The following BMPR1B variants were observed in gnomAD, a reference collection of about 807,000 sequenced individuals.
BMPR1B encodes the protein bone morphogenetic protein receptor type-1B.
A neutral mutation model predicts 59.1 loss-of-function variants in BMPR1B; 12 were observed. The observed-to-expected ratio is 0.20, with a 90% CI of 0.13 to 0.33. BMPR1B has a LOEUF of 0.33. BMPR1B is among the 10% of genes least tolerant of loss of function. The pLI is 1.00. For synonymous variants in BMPR1B, 237 were observed against 207.3 expected, an observed-to-expected ratio of 1.14 and a Z score of -1.23; for missense variants, 550 against 610.9, an observed-to-expected ratio of 0.90 and a Z score of 1.05.
In BMPR1B at chr4:95,125,092, T is replaced by A. The variant is rs1732811961; in HGVS notation, c.556T>A (p.Ser186Thr). Residue 186 changes from serine (S) to threonine (T), a missense_variant, in exon 8 of 13, where the codon TCA becomes ACA. Coordinates refer to ENST00000515059, the MANE Select transcript of BMPR1B (RefSeq NM_001203.3). ...AGACTTAATTGAGCAGTCTCAGAGC[T>A]CAGGAAGTGGATCAGGCCTCCCTCT... ...LRDLIEQSQS[S>T]GSGSGLPLLV... 2 of 1,613,828 alleles carry A rather than the reference T, an allele frequency of 1.2e-6. No homozygotes were observed. Among genetic ancestry groups the A allele is most frequent in the Non-Finnish European group, 1.7e-6 (2 of 1,179,834 alleles).
At chr4:94,999,350 TC>T (rs1266172336) in intron 3 of BMPR1B, among the ~76,000 whole-genome samples, 1 of 152,082 alleles carries the variant, frequency 6.6e-6, no homozygotes, top group Non-Finnish European at 1.5e-5. Context: ...GGAAAGCCTC[TC>T]AAGTAGATGG....
chr4:95,124,156 G>C (rs1216352804), intron 7 of BMPR1B, among the ~76,000 whole-genome samples: 1 of 151,836 alleles, frequency 6.6e-6, no homozygotes, highest in Non-Finnish European at 1.5e-5. Context: ...GGGAAACTAG[G>C]GTAGTTAGAG....
At chr4:95,024,945 A>G (rs894365471) in intron 3 of BMPR1B, among the ~76,000 whole-genome samples, 1 of 151,984 alleles carries the variant, frequency 6.6e-6, no homozygotes, top group East Asian at 1.9e-4. Flanking sequence ...TACTAAAAAT[A>G]CAAAAGCTAG....
At chr4:94,776,085 G>A (rs1257400297) in intron 1 of BMPR1B, among the ~76,000 whole-genome samples, 4 of 119,138 alleles carry the variant, frequency 3.4e-5, no homozygotes, top group Non-Finnish European at 7.0e-5. Flanking sequence ...AGCAAGACTT[G>A]TCTCAAAAAA....
intron 3 of BMPR1B, among the ~76,000 whole-genome samples, chr4:95,102,725 A>G (rs1730910262): frequency 6.6e-6 from 1 of 152,146 alleles, no homozygotes; most frequent in African/African-American, 2.4e-5. Context: ...AGTGACGTGA[A>G]CTATTTAACC....
intron 1 of BMPR1B, among the ~76,000 whole-genome samples, chr4:94,841,800 A>G (rs562460214): frequency 4.0e-4 from 61 of 152,280 alleles, no homozygotes; most frequent in Non-Finnish European, 8.1e-4. Context: ...AATTTTTTCT[A>G]TTGATGATAG....
chr4:94,876,810 T>C lies in BMPR1B; in HGVS notation c.-113+910T>C, dbSNP rs549800833. On this transcript the variant is annotated intron_variant, in intron 2 of 12. Transcript: ENST00000515059. The stretch of plus-strand genomic sequence containing the variant: ...ACAAATGTAGGATGAATACATGTTA[T>C]ACTTCTTAATGGGTTTGACTTTACT... Among the ~76,000 whole-genome samples the C allele has an allele frequency of 1.1e-4, 16 of 152,338 alleles. No homozygotes were observed. In the South Asian group the frequency reaches 1.4e-3, roughly 14 times the overall value.
chr4:95,042,684 C>A (rs1725742724), intron 3 of BMPR1B, among the ~76,000 whole-genome samples: 2 of 152,158 alleles, frequency 1.3e-5, no homozygotes, highest in African/African-American at 4.8e-5. Flanking sequence ...TAGTATGTAT[C>A]ATGATCATTA....
chr4:94,857,345 T>A (rs1319451008), intron 1 of BMPR1B, among the ~76,000 whole-genome samples: 1 of 152,232 alleles, frequency 6.6e-6, no homozygotes, highest in Non-Finnish European at 1.5e-5. Flanking sequence ...TGTAGCCGTT[T>A]AGGCAGTTTT....
At chr4:95,070,569 A>T (rs1396908115) in intron 3 of BMPR1B, among the ~76,000 whole-genome samples, 1 of 152,136 alleles carries the variant, frequency 6.6e-6, no homozygotes, top group East Asian at 1.9e-4. Flanking sequence ...CTTGGTAGTC[A>T]GTTGAGTGTG....
intron 3 of BMPR1B, among the ~76,000 whole-genome samples, chr4:95,017,056 A>G (rs1287037687): frequency 6.6e-6 from 1 of 152,122 alleles, no homozygotes; most frequent in Non-Finnish European, 1.5e-5. Flanking sequence ...TTTTCCTTCT[A>G]TGAGTGGGGG....
intron 1 of BMPR1B, among the ~76,000 whole-genome samples, chr4:94,844,736 T>C (rs1725249339): frequency 1.3e-5 from 2 of 152,176 alleles, no homozygotes; most frequent in African/African-American, 4.8e-5. Flanking sequence ...CAGTTTAGTT[T>C]CACCAGATTT....
intron 1 of BMPR1B, among the ~76,000 whole-genome samples, chr4:94,788,723 A>G (rs1032291799): frequency 6.6e-6 from 1 of 152,214 alleles, no homozygotes; most frequent in African/African-American, 2.4e-5. Context: ...AGAAGAGATG[A>G]GGGCATCTTT....
intron 2 of BMPR1B, among the ~76,000 whole-genome samples, chr4:94,921,404 A>C (rs1369245255): frequency 1.3e-5 from 2 of 152,136 alleles, no homozygotes; most frequent in Non-Finnish European, 2.9e-5. Context: ...ATTGGCTCAC[A>C]GTTGTGCAGG....
rs374813490 is a variant in BMPR1B, at chr4:95,109,871, C to G, written c.144-4849C>G. ...GCTATCCCTCCCCCCTCCCCCCACC[C>G]CACAACAGTCCCCGGTGTGTGATGT... On this transcript the variant is annotated intron_variant, in intron 4 of 12. Coordinates refer to ENST00000515059, the MANE Select transcript of BMPR1B (RefSeq NM_001203.3). Among the ~76,000 whole-genome samples, 3 of 128,718 alleles carry G rather than the reference C, an allele frequency of 2.3e-5. No individual in the cohort carries two copies. The South Asian group carries it at 9.6e-4, about 41-fold the overall frequency. The allele number at this position is 128,718 out of a possible 152,430, so 84.4% of individuals were successfully genotyped here.
intron 1 of BMPR1B, among the ~76,000 whole-genome samples, chr4:94,872,561 TG>T (rs1726544989): frequency 1.3e-5 from 2 of 152,274 alleles, no homozygotes; most frequent in Middle Eastern, 3.4e-3. Context: ...GCTGGGTTTT[TG>T]TGATATTTAA....
chr4:94,779,297 G>A (rs2110583800), intron 1 of BMPR1B, among the ~76,000 whole-genome samples: 1 of 152,038 alleles, frequency 6.6e-6, no homozygotes, highest in South Asian at 2.1e-4. Flanking sequence ...ATTAATGTCA[G>A]CCCTGTTGTA....
At chr4:94,904,310 T>C (rs1478879825) in intron 2 of BMPR1B, among the ~76,000 whole-genome samples, 1 of 152,056 alleles carries the variant, frequency 6.6e-6, no homozygotes, top group African/African-American at 2.4e-5. Context: ...ATGCCTATAA[T>C]AGTGACTTTG....
chr4:94,864,207 A>T (rs1726112854), intron 1 of BMPR1B, among the ~76,000 whole-genome samples: 1 of 152,182 alleles, frequency 6.6e-6, no homozygotes, highest in African/African-American at 2.4e-5. Flanking sequence ...CGACCAGTAT[A>T]ATTACTGGGA....
Sources: gnomAD v4.1 joint callset for allele counts (sites outside exome capture counted in the v4.1 genomes callset) on GRCh38, gnomAD v4.1.1 for gene constraint, MANE v1.5 for transcripts, NCBI Gene and HGNC (gene_info 2026-07-23, HGNC 2026-07-21) for gene names.